SLC9A9: variants seen among roughly 807,000 people sequenced by gnomAD.
SLC9A9 encodes solute carrier family 9 member A9.
SLC9A9 carries 62 observed loss-of-function variants against 77.8 expected under a neutral mutation model. That is an observed-to-expected ratio of 0.80 (90% CI 0.65 to 0.98). The LOEUF (loss-of-function observed/expected upper bound fraction) is 0.98. Among genes scored for constraint, SLC9A9 ranks in the 50% least tolerant of loss-of-function variants. The probability of loss-of-function intolerance (pLI) is 0.00; values close to 1 mark genes in which losing one functional copy is unlikely to be tolerated. For missense variants in SLC9A9, 775 were observed against 774.9 expected, an observed-to-expected ratio of 1.00 and a Z score of 0.00; for synonymous variants, 320 against 283.5, an observed-to-expected ratio of 1.13 and a Z score of -1.29.
At chr3:143,747,286 C>A (rs2108821332) in intron 4 of SLC9A9, among the ~76,000 whole-genome samples, 1 of 152,074 alleles carries the variant, frequency 6.6e-6, no homozygotes, top group Non-Finnish European at 1.5e-5. Flanking sequence ...TGCCTGTAAT[C>A]CCAGCTACTT....
chr3:143,296,796 AT>A (rs927779158), intron 14 of SLC9A9, among the ~76,000 whole-genome samples: 3 of 152,004 alleles, frequency 2.0e-5, no homozygotes, highest in Admixed American at 6.5e-5. Flanking sequence ...GATGTTGAGC[AT>A]TTTTTTTATA....
chr3:143,807,402 C>T (rs561852987), intron 2 of SLC9A9, among the ~76,000 whole-genome samples: 46 of 152,290 alleles, frequency 3.0e-4, no homozygotes, highest in African/African-American at 1.0e-3. Context: ...TGGGCAAAGG[C>T]CATAGTGTGG....
chr3:143,312,718 C>T (rs1445967009), intron 14 of SLC9A9, among the ~76,000 whole-genome samples: 2 of 152,226 alleles, frequency 1.3e-5, no homozygotes, highest in South Asian at 2.1e-4. Context: ...TGTTTGGCCA[C>T]CACCTGTTCA....
chr3:143,699,472 GGCA>G (rs1438382274), intron 4 of SLC9A9, among the ~76,000 whole-genome samples: 1 of 152,162 alleles, frequency 6.6e-6, no homozygotes, highest in Non-Finnish European at 1.5e-5. Context: ...TCCATCTCCT[GGCA>G]GCAGCAGTGT....
At chr3:143,444,730 T>C (rs2034811159) in intron 12 of SLC9A9, among the ~76,000 whole-genome samples, 1 of 152,190 alleles carries the variant, frequency 6.6e-6, no homozygotes, top group African/African-American at 2.4e-5. Context: ...CTTATTTTCC[T>C]TCTCTTCCTT....
At chr3:143,505,506 T>A (rs149008428) in intron 9 of SLC9A9, among the ~76,000 whole-genome samples, 2 of 152,326 alleles carry the variant, frequency 1.3e-5, no homozygotes, top group African/African-American at 4.8e-5. Flanking sequence ...TTTAGGACTA[T>A]CCAGTCCCTG....
chr3:143,690,603 C>A (rs777828241), intron 5 of SLC9A9, among the ~76,000 whole-genome samples: 11 of 152,034 alleles, frequency 7.2e-5, no homozygotes, highest in Non-Finnish European at 1.6e-4. Flanking sequence ...TGAAGAGGCT[C>A]CCACTTGTCA....
At chr3:143,627,221 C>T (rs1228089921) in intron 6 of SLC9A9, 1 of 153,112 alleles carries the variant, frequency 6.5e-6, no homozygotes, top group East Asian at 1.9e-4. Context: ...TTCTTGAAGG[C>T]TATTGCACGT....
intron 4 of SLC9A9, among the ~76,000 whole-genome samples, chr3:143,695,857 G>C (rs1272031353): frequency 2.6e-5 from 4 of 152,180 alleles, no homozygotes; most frequent in Non-Finnish European, 5.9e-5. Context: ...TAACTGGCGT[G>C]AGATGGTTTC....
chr3:143,640,135 C>T (rs2038597767), intron 6 of SLC9A9, among the ~76,000 whole-genome samples: 1 of 151,538 alleles, frequency 6.6e-6, no homozygotes, highest in South Asian at 2.1e-4. Context: ...CATTCTCCTG[C>T]CTCAGCCTCC....
chr3:143,798,324 T>C (rs1424856044), intron 2 of SLC9A9, among the ~76,000 whole-genome samples: 1 of 152,204 alleles, frequency 6.6e-6, no homozygotes, highest in Non-Finnish European at 1.5e-5. Flanking sequence ...GATGCCTGCC[T>C]GATTATTCAC....
At chr3:143,481,232 G>T (rs183588971) in intron 11 of SLC9A9, among the ~76,000 whole-genome samples, 153 of 152,276 alleles carry the variant, frequency 1.0e-3, no homozygotes, top group African/African-American at 3.5e-3. Context: ...ATGACTACTA[G>T]GGGAGGAGAA....
At chr3:143,844,717 CTTTCTT>C (rs1559824729) in intron 1 of SLC9A9, among the ~76,000 whole-genome samples, 1 of 10,738 alleles carries the variant, frequency 9.3e-5, no homozygotes, top group Non-Finnish European at 1.8e-4. Context: ...CTTTCTCTTT[CTTTCTT>C]TCTTTCTTTC....
intron 9 of SLC9A9, among the ~76,000 whole-genome samples, chr3:143,544,805 T>G (rs1475174105): frequency 6.6e-6 from 1 of 152,228 alleles, no homozygotes; most frequent in Admixed American, 6.5e-5. Flanking sequence ...TTTAAGGTCC[T>G]ACATTTAAGT....
chr3:143,572,763 T>G (rs2037286783), intron 8 of SLC9A9, among the ~76,000 whole-genome samples: 2 of 152,202 alleles, frequency 1.3e-5, no homozygotes, highest in African/African-American at 4.8e-5. Context: ...CCAACGGGAA[T>G]AGCTTGGACT....
chr3:143,379,854 C>A lies in SLC9A9; in HGVS notation c.1524+2206G>T, dbSNP rs189667700. ...TCTGCTTATCCATGATTCTTTATAC[C>A]CCTCTGGTTTTGACTATCTGCTCTT... On this transcript the variant is annotated intron_variant, in intron 13 of 15. Coordinates refer to ENST00000316549, the MANE Select transcript of SLC9A9 (RefSeq NM_173653.4). Among the ~76,000 whole-genome samples, 364 of 151,900 alleles carry A rather than the reference C, an allele frequency of 2.4e-3. 1 individual carries two copies. Among genetic ancestry groups the A allele is most frequent in the Admixed American group, 0.017 (259 of 15,266 alleles).
At chr3:143,548,821 G>C (rs6804594) in intron 9 of SLC9A9, among the ~76,000 whole-genome samples, 121 of 152,300 alleles carry the variant, frequency 7.9e-4, no homozygotes, top group Admixed American at 2.7e-3. Context: ...AAGCTATAAA[G>C]AATGCATAAT....
At chr3:143,502,728 C>G (rs570792476) in intron 9 of SLC9A9, among the ~76,000 whole-genome samples, 68 of 152,154 alleles carry the variant, frequency 4.5e-4, no homozygotes, top group Non-Finnish European at 7.6e-4. Context: ...CTATGAAAGG[C>G]ACTGAAATTC....
At chr3:143,550,960 C>T (rs2036870829) in intron 9 of SLC9A9, among the ~76,000 whole-genome samples, 1 of 152,176 alleles carries the variant, frequency 6.6e-6, no homozygotes, top group African/African-American at 2.4e-5. Context: ...ACCCCAGTAG[C>T]TCAAAATGTG....
Sources: allele counts gnomAD v4.1 joint callset (sites outside exome capture counted in the v4.1 genomes callset), GRCh38; gene constraint gnomAD v4.1.1; transcripts MANE v1.5; gene names NCBI Gene and HGNC (gene_info 2026-07-23, HGNC 2026-07-21).